Variants in MGLL observed in about 807,000 individuals in gnomAD.
The protein encoded by MGLL is lysophospholipase homolog.
Under a neutral mutation model 29.1 loss-of-function variants are expected in MGLL, and 7 were observed. The ratio of observed to expected loss-of-function variants is 0.24; its 90% CI spans 0.14 to 0.45. The LOEUF (loss-of-function observed/expected upper bound fraction) is 0.45, where lower values mean the gene tolerates loss of function less well. MGLL is among the 20% of genes least tolerant of loss of function. The pLI, the probability that MGLL is intolerant of heterozygous loss-of-function variation, is 0.99. For missense variants in MGLL, 356 were observed against 413.6 expected (o/e 0.86, Z 1.21); for synonymous variants, 148 against 168.3 (o/e 0.88, Z 0.93).
At chr3:127,754,650 G>T (rs2076626512) in intron 3 of MGLL, among the ~76,000 whole-genome samples, 1 of 152,230 alleles carries the variant, frequency 6.6e-6, no homozygotes, top group African/African-American at 2.4e-5. Context: ...GTCCCAGTGG[G>T]CACCTACAGG....
chr3:127,804,586 G>A (rs147115281), intron 2 of MGLL, among the ~76,000 whole-genome samples: 23 of 152,280 alleles, frequency 1.5e-4, no homozygotes, highest in Admixed American at 2.6e-4. Context: ...GCACATCAAC[G>A]TTAATTGTCC....
At chr3:127,725,115 C>A (rs2076007516) in intron 3 of MGLL, among the ~76,000 whole-genome samples, 2 of 152,082 alleles carry the variant, frequency 1.3e-5, no homozygotes, top group South Asian at 4.2e-4. Context: ...GTGCGACCCT[C>A]AGCTGAGTCC....
At chr3:127,742,238 A>G (rs1437036593) in intron 3 of MGLL, among the ~76,000 whole-genome samples, 1 of 152,194 alleles carries the variant, frequency 6.6e-6, no homozygotes, top group Non-Finnish European at 1.5e-5. Context: ...TCCTTATTAT[A>G]TAATAGGTGG....
At chr3:127,802,121 C>T (rs540680098) in intron 2 of MGLL, among the ~76,000 whole-genome samples, 1 of 152,236 alleles carries the variant, frequency 6.6e-6, no homozygotes, top group African/African-American at 2.4e-5. Context: ...GGGTTGGGCA[C>T]CCTGAGCCAA....
rs2076759604 is a variant in MGLL, at chr3:127,761,281, T to C, written c.262+20508A>G. 6.6e-6 allele frequency among the ~76,000 whole-genome samples: 1 copy of C among 152,200 alleles called. No homozygotes were observed. The highest frequency in any genetic ancestry group is 2.4e-5 in the African/African-American group (1 of 41,448). On this transcript the variant is annotated intron_variant, in intron 3 of 7. Transcript: ENST00000265052. The surrounding 1 kb of genome is among the most constrained non-coding windows in gnomAD (Gnocchi z 4.6). ...TGCTGATGACCAGACTGCGTCACTTTCCAGGGCCCACTGGGCAAACTGGCT... is the reference window on the plus strand; with the variant it reads ...TGCTGATGACCAGACTGCGTCACTTCCCAGGGCCCACTGGGCAAACTGGCT...
At chr3:127,695,543 G>A (rs7648162) in intron 6 of MGLL, among the ~76,000 whole-genome samples, 153 of 152,318 alleles carry the variant, frequency 1.0e-3, no homozygotes, top group Non-Finnish European at 2.0e-3. Context: ...TGACCAACAT[G>A]GTGAAACCAC....
chr3:127,804,755 G>A (rs2077536492), intron 2 of MGLL, among the ~76,000 whole-genome samples: 1 of 152,184 alleles, frequency 6.6e-6, no homozygotes, highest in African/African-American at 2.4e-5. Context: ...AGAAGAAATG[G>A]TAATAGTTGG....
intron 6 of MGLL, among the ~76,000 whole-genome samples, chr3:127,702,375 T>A (rs895188492): frequency 2.6e-5 from 4 of 152,164 alleles, no homozygotes; most frequent in African/African-American, 9.7e-5. Flanking sequence ...CCCGGCTCGA[T>A]AGACCCAAGC....
chr3:127,702,334 A>C (rs1428015725), intron 6 of MGLL, among the ~76,000 whole-genome samples: 3 of 152,114 alleles, frequency 2.0e-5, no homozygotes, highest in African/African-American at 7.2e-5. Context: ...CAGAGGGGAG[A>C]TAGGCCCTGC....
intron 3 of MGLL, among the ~76,000 whole-genome samples, chr3:127,725,058 C>T (rs937935090): frequency 2.6e-5 from 4 of 152,050 alleles, no homozygotes; most frequent in Non-Finnish European, 4.4e-5. Flanking sequence ...GGTCCACACT[C>T]ATGGCCCTTT....
In MGLL at chr3:127,689,518, T is replaced by C. The variant is rs2075207480; in HGVS notation, c.*2680A>G. On this transcript the variant is annotated 3_prime_UTR_variant, in exon 8 of 8. Coordinates refer to ENST00000265052, the MANE Select transcript of MGLL (RefSeq NM_007283.7). Reference sequence around the variant, plus strand: ...TTCAGGCATGAAACCCATTTCTGTATGGACTGGGCTGTGTTGACGGTGGTG... The same window carrying C: ...TTCAGGCATGAAACCCATTTCTGTACGGACTGGGCTGTGTTGACGGTGGTG... 1 of 152,332 alleles carries C rather than the reference T, an allele frequency of 6.6e-6. No homozygotes were observed. Among genetic ancestry groups the C allele is most frequent in the African/African-American group, 2.4e-5 (1 of 41,476 alleles). The allele number at this position is 152,332 out of a possible 1,614,324, so 9.4% of individuals were successfully genotyped here.
intron 3 of MGLL, among the ~76,000 whole-genome samples, chr3:127,747,322 C>T (rs2076466615): frequency 6.6e-6 from 1 of 152,208 alleles, no homozygotes; most frequent in Non-Finnish European, 1.5e-5. Context: ...CCCTGTGGAA[C>T]ATCTGCGTGT....
chr3:127,786,563 T>A (rs2077216409), intron 2 of MGLL, among the ~76,000 whole-genome samples: 1 of 152,062 alleles, frequency 6.6e-6, no homozygotes, highest in South Asian at 2.1e-4. Flanking sequence ...GTGGGACAGC[T>A]CCCAATAAAG....
intron 3 of MGLL, among the ~76,000 whole-genome samples, chr3:127,757,491 C>A (rs1464925337): frequency 2.4e-4 from 36 of 152,126 alleles, no homozygotes; most frequent in Non-Finnish European, 8.8e-5. Context: ...TATATACAAC[C>A]AGTGAGATGG....
chr3:127,822,185 C>T, intron 1 of MGLL, 124 bp downstream of exon 1: 1 of 1,111,358 alleles, frequency 9.0e-7, no homozygotes, highest in Admixed American at 1.9e-5. Flanking sequence ...GTACAAAGAC[C>T]CAGCTGCAAG....
At chr3:127,733,400 T>A (rs2076185444) in intron 3 of MGLL, among the ~76,000 whole-genome samples, 1 of 152,228 alleles carries the variant, frequency 6.6e-6, no homozygotes, top group South Asian at 2.1e-4. Flanking sequence ...TCCTCTACTT[T>A]CCTAATAAAC....
intron 3 of MGLL, among the ~76,000 whole-genome samples, chr3:127,731,838 A>G (rs1166648777): frequency 6.6e-6 from 1 of 152,164 alleles, no homozygotes; most frequent in Non-Finnish European, 1.5e-5. Flanking sequence ...TTCTCCCCTC[A>G]TGACAGTAAT....
At chr3:127,792,098 C>T (rs1016654299) in intron 2 of MGLL, among the ~76,000 whole-genome samples, 3 of 152,174 alleles carry the variant, frequency 2.0e-5, no homozygotes, top group African/African-American at 7.2e-5. Context: ...TGCAGCATCC[C>T]GGCCCCCAGA....
intron 3 of MGLL, among the ~76,000 whole-genome samples, chr3:127,728,599 C>T (rs1371341362): frequency 6.6e-6 from 1 of 152,158 alleles, no homozygotes; most frequent in Admixed American, 6.6e-5. Context: ...TGGGGGTGAA[C>T]CATAGTTTTT....
Sources: allele counts gnomAD v4.1 joint callset (sites outside exome capture counted in the v4.1 genomes callset), GRCh38; gene constraint gnomAD v4.1.1; non-coding constraint Gnocchi (gnomAD v3.1); transcripts MANE v1.5; gene names NCBI Gene and HGNC (gene_info 2026-07-23, HGNC 2026-07-21).